ELOVL5: variants seen among roughly 807,000 people sequenced by gnomAD.
The protein encoded by ELOVL5 is very long chain fatty acid elongase 5.
ELOVL5 carries 8 observed loss-of-function variants against 38.6 expected under a neutral mutation model. That is an observed-to-expected ratio of 0.21 (90% CI 0.12 to 0.37). The LOEUF (loss-of-function observed/expected upper bound fraction) is 0.37. ELOVL5 is among the 10% of genes least tolerant of loss of function. The probability of loss-of-function intolerance (pLI) is 1.00; values close to 1 mark genes in which losing one functional copy is unlikely to be tolerated. For missense variants in ELOVL5, 280 were observed against 367.8 expected, an observed-to-expected ratio of 0.76 and a Z score of 1.95; for synonymous variants, 127 against 133.7, an observed-to-expected ratio of 0.95 and a Z score of 0.34.
At chr6:53,273,433 T>G in intron 5 of ELOVL5, 89 bp from the exon 6 acceptor site, 1 of 1,262,076 alleles carries the variant, frequency 7.9e-7, no homozygotes, top group East Asian at 2.4e-5. Flanking sequence ...AAGATTCTTT[T>G]TGAATCAGAA....
At chr6:53,290,028 G>T (rs1766715843) in intron 3 of ELOVL5, 1 of 152,116 alleles carries the variant, frequency 6.6e-6, no homozygotes. Flanking sequence ...TTAAATTTCT[G>T]TATTCAGTGC....
At chr6:53,305,795 A>G (rs1191028084) in intron 1 of ELOVL5, among the ~76,000 whole-genome samples, 1 of 151,312 alleles carries the variant, frequency 6.6e-6, no homozygotes, top group African/African-American at 2.4e-5. Context: ...CACTTCCCAG[A>G]CGGGGTGGCG....
intron 3 of ELOVL5, chr6:53,287,915 C>T (rs572120976): frequency 1.3e-6 from 2 of 1,535,692 alleles, no homozygotes; most frequent in Non-Finnish European, 1.7e-6. Context: ...GAGGCACAGG[C>T]AGATCGACGG....
intron 2 of ELOVL5, 48 bp from the exon 3 acceptor site, chr6:53,292,011 T>C (rs1766792616): frequency 7.9e-7 from 1 of 1,270,026 alleles, no homozygotes; most frequent in African/African-American, 1.5e-5. Flanking sequence ...TTCACAACTT[T>C]TCAAACGTTG....
At chr6:53,316,098 T>C (rs763985633) in intron 1 of ELOVL5, among the ~76,000 whole-genome samples, 1 of 152,238 alleles carries the variant, frequency 6.6e-6, no homozygotes, top group African/African-American at 2.4e-5. Context: ...TATGAAGTGC[T>C]TGGCATAATG....
At chr6:53,348,732 T>C in intron 1 of ELOVL5, 85 bp downstream of exon 1, 2 of 443,648 alleles carry the variant, frequency 4.5e-6, no homozygotes, top group Middle Eastern at 7.0e-4. Context: ...CAGTTCTCTC[T>C]GACCGCTTCC....
intron 4 of ELOVL5, among the ~76,000 whole-genome samples, 190 bp from the exon 5 acceptor site, chr6:53,275,451 T>C (rs919193616): frequency 6.6e-6 from 1 of 151,926 alleles, no homozygotes; most frequent in Non-Finnish European, 1.5e-5. Context: ...CCAAAGAACA[T>C]GATTGGGTTG....
At chr6:53,287,889 C>T (rs759512383) in intron 3 of ELOVL5, 12 of 1,535,578 alleles carry the variant, frequency 7.8e-6, no homozygotes, top group South Asian at 1.2e-5. Flanking sequence ...GCTGCTGAGT[C>T]GAAGGATCAG....
intron 1 of ELOVL5, among the ~76,000 whole-genome samples, chr6:53,340,907 AGT>A (rs1769296499): frequency 6.6e-6 from 1 of 152,178 alleles, no homozygotes; most frequent in South Asian, 2.1e-4. Flanking sequence ...AAAGAATGTG[AGT>A]GTCTTTCCCT....
intron 1 of ELOVL5, among the ~76,000 whole-genome samples, chr6:53,295,950 T>A (rs1447142281): frequency 6.6e-6 from 1 of 152,148 alleles, no homozygotes; most frequent in Non-Finnish European, 1.5e-5. Flanking sequence ...TTTCTGAACT[T>A]CTTTTCTTAG....
At chr6:53,270,842 T>C in intron 6 of ELOVL5, 115 bp from the exon 7 acceptor site, 1 of 1,182,854 alleles carries the variant, frequency 8.5e-7, no homozygotes, top group Non-Finnish European at 1.2e-6. Flanking sequence ...TTACTACCCT[T>C]GCTGCAGGTA....
chr6:53,286,393 T>C (rs1418160421), intron 3 of ELOVL5, among the ~76,000 whole-genome samples: 3 of 151,970 alleles, frequency 2.0e-5, no homozygotes, highest in Non-Finnish European at 4.4e-5. Context: ...TGAGACAATG[T>C]TTCTACCAAA....
chr6:53,289,201 T>G lies in ELOVL5; in HGVS notation c.246+2575A>C, dbSNP rs1398437117. Among the ~76,000 whole-genome samples the G allele has an allele frequency of 2.0e-5, 3 of 152,348 alleles. No homozygotes were observed. In the East Asian group the frequency reaches 5.8e-4, roughly 29 times the overall value. On this transcript the variant is annotated intron_variant, in intron 3 of 7. Coordinates refer to ENST00000304434, the MANE Select transcript of ELOVL5 (RefSeq NM_021814.5). ...TACCAAAGACTACTTATTTAAAAAATTCTTTACAGCCCCAAATATGCAGAT... is the reference window on the plus strand; with the variant it reads ...TACCAAAGACTACTTATTTAAAAAAGTCTTTACAGCCCCAAATATGCAGAT...
rs536092272 is a variant in ELOVL5, at chr6:53,289,794, T to C, written c.246+1982A>G. On this transcript the variant is annotated intron_variant, in intron 3 of 7. Transcript: ENST00000304434. ...AAAAGGACACATGACAATGGAATTA[T>C]TGATGGGTTTTACAATATGTACAGG... 1.1e-4 allele frequency among the ~76,000 whole-genome samples: 16 copies of C among 152,342 alleles called. No homozygotes were observed. The South Asian group carries it at 2.9e-3, about 28-fold the overall frequency.
At chr6:53,310,441 C>CT (rs1269643024) in intron 1 of ELOVL5, among the ~76,000 whole-genome samples, 2 of 139,178 alleles carry the variant, frequency 1.4e-5, no homozygotes, top group East Asian at 2.1e-4. Flanking sequence ...GGGGATTTTC[C>CT]GGGATGTAAG....
chr6:53,308,100 A>C (rs763809118), intron 1 of ELOVL5, among the ~76,000 whole-genome samples: 3 of 146,596 alleles, frequency 2.0e-5, no homozygotes, highest in Non-Finnish European at 4.5e-5. Flanking sequence ...GTAGTTTTAA[A>C]ATAACATTAT....
At chr6:53,287,122 TC>T (rs1296867281) in intron 3 of ELOVL5, among the ~76,000 whole-genome samples, 1 of 152,238 alleles carries the variant, frequency 6.6e-6, no homozygotes, top group East Asian at 1.9e-4. Flanking sequence ...GCCAGATGCA[TC>T]CATCCAGCTT....
chr6:53,278,768 T>C (rs1213464118), intron 3 of ELOVL5, among the ~76,000 whole-genome samples: 1 of 152,198 alleles, frequency 6.6e-6, no homozygotes, highest in Middle Eastern at 3.4e-3. Context: ...AATGCAACAC[T>C]CCCTCCACTG....
At chr6:53,330,517 C>CTTTTTTTTTTTTTTT (rs757160862) in intron 1 of ELOVL5, among the ~76,000 whole-genome samples, 1 of 91,394 alleles carries the variant, frequency 1.1e-5, no homozygotes, top group Non-Finnish European at 2.0e-5. Context: ...TCTTTATAAA[C>CTTTTTTTTTTTTTTT]TTTTTTTTTT....
Sources: gnomAD v4.1 joint callset for allele counts (sites outside exome capture counted in the v4.1 genomes callset) on GRCh38, gnomAD v4.1.1 for gene constraint, MANE v1.5 for transcripts, NCBI Gene and HGNC (gene_info 2026-07-23, HGNC 2026-07-21) for gene names.